WRN: variants seen among roughly 807,000 people sequenced by gnomAD.
WRN encodes the protein bifunctional 3'-5' exonuclease/ATP-dependent helicase WRN.
In WRN, 149 loss-of-function variants were observed where a neutral mutation model predicts 180.7. The observed-to-expected ratio is 0.82, with a 90% CI of 0.72 to 0.94. WRN has a LOEUF of 0.94. WRN is among the 40% of genes least tolerant of loss of function. WRN has a pLI of 0.00. For synonymous variants in WRN, 548 were observed against 568.9 expected, an observed-to-expected ratio of 0.96 and a Z score of 0.52; for missense variants, 1,661 against 1,700.1, an observed-to-expected ratio of 0.98 and a Z score of 0.40.
In WRN at chr8:31,116,513, AAG is replaced by A; in HGVS notation, c.2437_2438del (p.Asp813Ter). 1 of 1,613,936 alleles carries A rather than the reference AAG, an allele frequency of 6.2e-7. No individual in the cohort carries two copies. Among genetic ancestry groups the A allele is most frequent in the Non-Finnish European group, 8.5e-7 (1 of 1,179,880 alleles). ...GGAAAGACATTCATCATAGGTTTGT[AAG>A]AGATGAAATTCAGGTATGAGGATCA... Reference protein sequence around the residue: ...TRKDIHHRFVRDEIQCVIATI... With the variant: ...TRKDIHHRFVXDEIQCVIATI... On this transcript the variant is annotated frameshift_variant, in exon 20 of 35. Transcript: ENST00000298139. LOFTEE classifies it high-confidence loss of function.
At position 31,150,454 on chromosome 8, in the gene WRN, A is replaced by G; in HGVS notation, c.3686A>G (p.Gln1229Arg). The stretch of plus-strand genomic sequence containing the variant: ...CATTTCTGCCAAACAAATAGTGTTC[A>G]GGTAAAATACTGTGGTTTGCAGGAG... ...IKHFCQTNSV[Q>R]TDLFSSTKPQ... Residue 1229 changes from glutamine (Q) to arginine (R), a missense_variant and splice_region_variant, in exon 31 of 35, where the codon CAG becomes CGG. By Grantham distance (43) the Gln-to-Arg change is conservative. Transcript: ENST00000298139. 1 of 1,613,996 alleles carries G rather than the reference A, an allele frequency of 6.2e-7. No individual in the cohort carries two copies. The highest frequency in any genetic ancestry group is 8.5e-7 in the Non-Finnish European group (1 of 1,179,852).
chr8:31,055,776 C>G (rs1812249712), intron 1 of WRN, among the ~76,000 whole-genome samples: 1 of 152,058 alleles, frequency 6.6e-6, no homozygotes, highest in Non-Finnish European at 1.5e-5. Context: ...AAAGACATGT[C>G]AAAGTCATAC....
chr8:31,083,402 A>T (rs1407756155), intron 9 of WRN, among the ~76,000 whole-genome samples: 1 of 152,100 alleles, frequency 6.6e-6, no homozygotes, highest in Non-Finnish European at 1.5e-5. Context: ...ACATTGTTTA[A>T]CCTGAGTTGA....
intron 26 of WRN, 52 bp downstream of exon 26, chr8:31,141,827 A>G: frequency 1.3e-6 from 2 of 1,542,990 alleles, no homozygotes; most frequent in Non-Finnish European, 1.8e-6. Context: ...GTTGCTATTT[A>G]TGTGATTCAA....
At position 31,166,360 on chromosome 8, in the gene WRN, G is replaced by T. The variant is rs11574393; in HGVS notation, c.3983-662G>T. ...AACATAATTATTGGCTTGCCTATAG[G>T]AGGGTGCTACATAATTTTAGAAGGT... is the stretch of plus-strand genomic sequence containing the variant. On this transcript the variant is annotated intron_variant, in intron 33 of 34. Transcript: ENST00000298139. Among the ~76,000 whole-genome samples the T allele has an allele frequency of 5.0e-3, 766 of 152,236 alleles. 12 individuals are homozygous for T. The highest frequency in any genetic ancestry group is 0.017 in the African/African-American group (715 of 41,544).
chr8:31,164,012 T>C (rs1803747109), intron 33 of WRN, among the ~76,000 whole-genome samples: 1 of 152,052 alleles, frequency 6.6e-6, no homozygotes. Context: ...AATTTTTAAG[T>C]ATTTTTGTAG....
chr8:31,102,283 C>T (rs1800904700), intron 18 of WRN, among the ~76,000 whole-genome samples: 1 of 152,202 alleles, frequency 6.6e-6, no homozygotes, highest in South Asian at 2.1e-4. Flanking sequence ...ATGTTATATA[C>T]ATGGAATCAT....
chr8:31,135,258 A>G (rs992968741), intron 24 of WRN, among the ~76,000 whole-genome samples: 7 of 151,788 alleles, frequency 4.6e-5, no homozygotes, highest in East Asian at 1.9e-4. Flanking sequence ...GGGTCTCCCC[A>G]TGTTGCCCTG....
At position 31,111,681 on chromosome 8, in the gene WRN, A is replaced by G; in HGVS notation, c.2155A>G (p.Asn719Asp). Residue 719 changes from asparagine to aspartate, a missense_variant, in exon 19 of 35, where the codon AAT becomes GAT. Physicochemically the swap from Asn to Asp is conservative, Grantham distance 23. This residue lies in a region of WRN where 1,141 missense variants were observed against 1,149.4 expected (regional missense o/e 0.99). Transcript: ENST00000298139. ...SIREDIVRCL[N>D]LRNPQITCTG... ...CCGGGAAGACATTGTACGTTGCTTA[A>G]ATCTGAGAAATCCTCAGATCACCTG... 1 of 1,614,108 alleles carries G rather than the reference A, an allele frequency of 6.2e-7. No homozygotes were observed. Among genetic ancestry groups the G allele is most frequent in the Non-Finnish European group, 8.5e-7 (1 of 1,179,988 alleles).
chr8:31,110,148 C>G (rs1801249835), intron 18 of WRN, among the ~76,000 whole-genome samples: 1 of 152,078 alleles, frequency 6.6e-6, no homozygotes, highest in South Asian at 2.1e-4. Flanking sequence ...CTAAGAACCT[C>G]TAATTTTTAA....
At chr8:31,047,343 T>C (rs745949378) in intron 1 of WRN, among the ~76,000 whole-genome samples, 12 of 152,046 alleles carry the variant, frequency 7.9e-5, no homozygotes, top group Non-Finnish European at 1.6e-4. Context: ...GTATTCGCCA[T>C]GTTGCCTAGG....
At chr8:31,046,923 T>G (rs564582570) in intron 1 of WRN, among the ~76,000 whole-genome samples, 3 of 152,346 alleles carry the variant, frequency 2.0e-5, no homozygotes, top group African/African-American at 4.8e-5. Flanking sequence ...TTCTTCTTAT[T>G]CATGTTACAT....
At position 31,167,168 on chromosome 8, in the gene WRN, G is replaced by A. The variant is rs760127655; in HGVS notation, c.4129G>A (p.Gly1377Ser). ...TGTCAACAAAAGGAGATGTTTTCCC[G>A]GTTCTGAAGAGATCTGTTCAAGTTC... ...CDVNKRRCFP[G>S]SEEICSSSKR... Residue 1377 changes from glycine to serine, a missense_variant, in exon 34 of 35, where the codon GGT becomes AGT. Gly to Ser is a moderately conservative substitution (Grantham distance 56, BLOSUM62 0). Coordinates refer to ENST00000298139, the MANE Select transcript of WRN (RefSeq NM_000553.6). 18 of 1,613,102 alleles carry A rather than the reference G, an allele frequency of 1.1e-5. No homozygotes were observed. Among genetic ancestry groups the A allele is most frequent in the South Asian group, 4.4e-5 (4 of 91,048 alleles).
At chr8:31,149,865 A>G (rs1014175465) in intron 30 of WRN, among the ~76,000 whole-genome samples, 1 of 152,166 alleles carries the variant, frequency 6.6e-6, no homozygotes. Flanking sequence ...ATTGGACACA[A>G]TAAGAAATAT....
At chr8:31,115,085 G>A (rs1423587701) in intron 19 of WRN, among the ~76,000 whole-genome samples, 3 of 152,042 alleles carry the variant, frequency 2.0e-5, no homozygotes, top group South Asian at 4.2e-4. Context: ...TAGTAGAGAC[G>A]GGGTTTCACC....
chr8:31,157,317 T>C, intron 32 of WRN, 51 bp from the exon 33 acceptor site: 2 of 1,609,720 alleles, frequency 1.2e-6, no homozygotes, highest in Non-Finnish European at 1.7e-6. Flanking sequence ...TTTCCATGAC[T>C]GGAGTGGACA....
In WRN at chr8:31,168,556, T is replaced by C. The variant is rs183483749; in HGVS notation, c.4191+1326T>C. ...TGGGGAGAAATTTTACTAAGCTTGC[T>C]AGATTCTAAAAGGTATACCTTATTT... On this transcript the variant is annotated intron_variant, in intron 34 of 34. Coordinates refer to ENST00000298139, the MANE Select transcript of WRN (RefSeq NM_000553.6). Among the ~76,000 whole-genome samples, 4 of 152,236 alleles carry C rather than the reference T, an allele frequency of 2.6e-5. No homozygotes were observed. The East Asian group carries it at 7.7e-4, about 29-fold the overall frequency.
Position 31,116,439 on chromosome 8 carries a change from C to T in WRN, c.2359C>T (p.Leu787=), listed in dbSNP as rs2130305452. 6.2e-7 allele frequency: 1 copy of T among 1,613,990 alleles called. No homozygotes were observed. The highest frequency in any genetic ancestry group is 1.6e-4 in the Middle Eastern group (1 of 6,062). ...TQQVTGELRK[L]NLSCGTYHAG... The stretch of plus-strand genomic sequence containing the variant: ...ACAAGTTACAGGTGAACTTAGGAAA[C>T]TGAATCTATCCTGTGGAACATACCA... Residue 787 remains leucine (L), a synonymous_variant, in exon 20 of 35, where the codon CTG becomes TTG. Coordinates refer to ENST00000298139, the MANE Select transcript of WRN (RefSeq NM_000553.6).
intron 1 of WRN, among the ~76,000 whole-genome samples, chr8:31,034,825 T>C (rs1313153670): frequency 6.6e-6 from 1 of 152,142 alleles, no homozygotes; most frequent in Admixed American, 6.5e-5. Context: ...GAGATACCAT[T>C]GCTTAGTGAT....
Sources: allele counts gnomAD v4.1 joint callset (sites outside exome capture counted in the v4.1 genomes callset), GRCh38; gene constraint gnomAD v4.1.1; regional missense constraint gnomAD v4.1.1; transcripts MANE v1.5; gene names NCBI Gene and HGNC (gene_info 2026-07-23, HGNC 2026-07-21).